ADAM30: variants seen among roughly 807,000 people sequenced by gnomAD.
ADAM30 encodes the protein ADAM metallopeptidase domain 30.
For synonymous variants in ADAM30, 382 were observed against 340.9 expected, an observed-to-expected ratio of 1.12 and a Z score of -1.33; for missense variants, 960 against 959.4, an observed-to-expected ratio of 1.00 and a Z score of -0.01.
rs1442095792 is a variant in ADAM30, at chr1:119,896,425, C to G, written c.-89G>C. ...GATTTCTGGGGGCCGCCGCTAGAGG[C>G]GCCTGAGCTCAAAACCCGGCTCCCC... On this transcript the variant is annotated 5_prime_UTR_variant, in exon 1 of 1. Transcript: ENST00000369400. The G allele has an allele frequency of 4.2e-6, 6 of 1,434,680 alleles. No individual in the cohort carries two copies. The highest frequency in any genetic ancestry group is 3.2e-5 in the South Asian group (2 of 63,132). 88.9% of individuals were successfully genotyped at this position (1,434,680 alleles called of 1,614,324 possible). A position where few individuals can be genotyped will look rare whatever the true frequency, so the allele number is the denominator to read the frequency against.
In ADAM30 at chr1:119,896,280, C is replaced by T. The variant is rs150611194; in HGVS notation, c.57G>A (p.Pro19=). 6 of 1,610,838 alleles carry T rather than the reference C, an allele frequency of 3.7e-6. No homozygotes were observed. In the African/African-American group the frequency reaches 5.3e-5, roughly 14 times the overall value. The change falls in exon 1 of 1, where the codon CCG becomes CCA. Residue 19 remains proline, a synonymous_variant. Transcript: ENST00000369400. ...CGCCAAGAGACTTAAGGAGCATTGTCGGAACTAGTAGAAGGAGCAAACGGC... is the reference window on the plus strand; with the variant it reads ...CGCCAAGAGACTTAAGGAGCATTGTTGGAACTAGTAGAAGGAGCAAACGGC... ...SQCRLLLLLV[P]TMLLKSLGED...
In ADAM30 at chr1:119,896,426, G is replaced by A; in HGVS notation, c.-90C>T. ...ATTTCTGGGGGCCGCCGCTAGAGGC[G>A]CCTGAGCTCAAAACCCGGCTCCCCT... On this transcript the variant is annotated 5_prime_UTR_variant, in exon 1 of 1. Coordinates refer to ENST00000369400, the MANE Select transcript of ADAM30 (RefSeq NM_021794.4). 7.0e-7 allele frequency: 1 copy of A among 1,435,524 alleles called. No homozygotes were observed. Among genetic ancestry groups the A allele is most frequent in the Non-Finnish European group, 9.1e-7 (1 of 1,093,618 alleles). 88.9% of individuals were successfully genotyped at this position (1,435,524 alleles called of 1,614,324 possible).
Position 119,894,871 on chromosome 1 carries a change from C to A in ADAM30, c.1466G>T (p.Cys489Phe). 1 of 1,614,156 alleles carries A rather than the reference C, an allele frequency of 6.2e-7. No individual in the cohort carries two copies. The highest frequency in any genetic ancestry group is 8.5e-7 in the Non-Finnish European group (1 of 1,180,014). ...NDVYKQDGTP[C>F]KYEGRCFRKG... is the part of the protein sequence containing the mutation. ...CCTGAAACAACGGCCTTCATACTTG[C>A]AAGGGGTTCCATCCTGCTTATAAAC... Residue 489 changes from cysteine to phenylalanine, a missense_variant, in exon 1 of 1, where the codon TGC (cysteine) becomes TTC (phenylalanine). Cys to Phe is a radical substitution (Grantham distance 205). Coordinates refer to ENST00000369400, the MANE Select transcript of ADAM30 (RefSeq NM_021794.4).
At position 119,894,812 on chromosome 1, in the gene ADAM30, T is replaced by C; in HGVS notation, c.1525A>G (p.Ser509Gly). 6.2e-7 allele frequency: 1 copy of C among 1,614,212 alleles called. No individual in the cohort carries two copies. The highest frequency in any genetic ancestry group is 8.5e-7 in the Non-Finnish European group (1 of 1,180,034). ...GCRSRYMQCQSIFGPDAMEAP... is the reference protein window; with the variant it reads ...GCRSRYMQCQGIFGPDAMEAP... ...TCCATGGCATCAGGTCCAAAAATGCTTTGGCACTGCATATATCTGGATCTG... is the reference window on the plus strand; with the variant it reads ...TCCATGGCATCAGGTCCAAAAATGCCTTGGCACTGCATATATCTGGATCTG... Residue 509 changes from serine (S) to glycine (G), a missense_variant, in exon 1 of 1, where the codon AGC becomes GGC. By Grantham distance (56) the Ser-to-Gly change is moderately conservative. Coordinates refer to ENST00000369400, the MANE Select transcript of ADAM30 (RefSeq NM_021794.4).
chr1:119,896,112 G>A lies in ADAM30; in HGVS notation c.225C>T (p.Leu75=), dbSNP rs1571136757. ...ACAGAAGTCTCTTGGGCCACAAATG[G>A]AGGACGTGCTTCTTGCCTTTTAACT... ...LLQLKGKKHV[L]HLWPKRLLLP... is the part of the protein sequence containing the mutation. The change falls in exon 1 of 1, where the codon CTC becomes CTT. Residue 75 remains leucine (L), a synonymous_variant. Coordinates refer to ENST00000369400, the MANE Select transcript of ADAM30 (RefSeq NM_021794.4). 1.2e-6 allele frequency: 2 copies of A among 1,614,016 alleles called. No individual in the cohort carries two copies. Among genetic ancestry groups the A allele is most frequent in the Non-Finnish European group, 1.7e-6 (2 of 1,180,032 alleles).
chr1:119,894,548 GT>G lies in ADAM30; in HGVS notation c.1788del (p.Lys596AsnfsTer8), dbSNP rs1648520930. The G allele has an allele frequency of 6.2e-7, 1 of 1,613,844 alleles. No individual in the cohort carries two copies. Among genetic ancestry groups the G allele is most frequent in the Non-Finnish European group, 8.5e-7 (1 of 1,180,046 alleles). On this transcript the variant is annotated frameshift_variant, in exon 1 of 1. Transcript: ENST00000369400. LOFTEE classifies it low-confidence loss of function (END_TRUNC). The stretch of plus-strand genomic sequence containing the variant: ...ATACCTAGGTCAGGTATTCCCATGG[GT>G]TTCATGGATAGATGATAGCCTGTGC... Reference protein sequence around the residue: ...CWGTGYHLSMKPMGIPDLGMI... With the variant: ...CWGTGYHLSMXPMGIPDLGMI...
rs1648584409 is a variant in ADAM30, at chr1:119,896,167, C to A, written c.170G>T (p.Gly57Val). The A allele has an allele frequency of 6.2e-7, 1 of 1,614,114 alleles. No homozygotes were observed. The highest frequency in any genetic ancestry group is 8.5e-7 in the Non-Finnish European group (1 of 1,179,986). Residue 57 changes from glycine to valine, a missense_variant, in exon 1 of 1, where the codon GGT becomes GTT. Transcript: ENST00000369400. ...EKLSFRGEVQ[G>V]VVSPVSYLLQ... ...TAGGTAGGACACGGGACTGACCACA[C>A]CCTGCACCTCTCCCCGGAAGCTCAG...
At position 119,895,095 on chromosome 1, in the gene ADAM30, GTCAC is replaced by G. The variant is rs749522525; in HGVS notation, c.1238_1241del (p.Cys413SerfsTer115). On this transcript the variant is annotated frameshift_variant, in exon 1 of 1. Coordinates refer to ENST00000369400, the MANE Select transcript of ADAM30 (RefSeq NM_021794.4). LOFTEE classifies it low-confidence loss of function (END_TRUNC). ...TCTGACACTCCTCTGTGGAACCACA[GTCAC>G]ATTCCTCATTGTCCTCCACAATTTT... is the stretch of plus-strand genomic sequence containing the variant. 3 of 1,613,940 alleles carry G rather than the reference GTCAC, an allele frequency of 1.9e-6. No homozygotes were observed. The highest frequency in any genetic ancestry group is 1.7e-6 in the Non-Finnish European group (2 of 1,180,000).
chr1:119,895,938 G>T lies in ADAM30; in HGVS notation c.399C>A (p.Leu133=). 6.2e-7 allele frequency: 1 copy of T among 1,614,118 alleles called. No individual in the cohort carries two copies. The highest frequency in any genetic ancestry group is 1.6e-4 in the Middle Eastern group (1 of 6,062). ...KATISTCMGG[L]RGVFNIDAKH... is the part of the protein sequence containing the mutation. Reference sequence around the variant, plus strand: ...TGGCATCAATGTTAAATACACCTCGGAGACCCCCCATGCATGTGCTTATAG... The same window carrying T: ...TGGCATCAATGTTAAATACACCTCGTAGACCCCCCATGCATGTGCTTATAG... Residue 133 remains leucine, a synonymous_variant, in exon 1 of 1, where the codon CTC becomes CTA. Transcript: ENST00000369400.
In ADAM30 at chr1:119,895,493, T is replaced by A; in HGVS notation, c.844A>T (p.Ser282Cys). The A allele has an allele frequency of 6.2e-7, 1 of 1,613,716 alleles. No homozygotes were observed. Among genetic ancestry groups the A allele is most frequent in the Non-Finnish European group, 8.5e-7 (1 of 1,179,896 alleles). ...GATGACAGGCGAGCATTTAATACAC[T>A]TTTTTTATATATTACAAATCTGCCT... is the stretch of plus-strand genomic sequence containing the variant. ...VLGRFVIYKK[S>C]VLNARLSSDW... is the part of the protein sequence containing the mutation. The change falls in exon 1 of 1, where the codon AGT (serine) becomes TGT (cysteine). Residue 282 changes from serine (S) to cysteine (C), a missense_variant. Physicochemically the swap from Ser to Cys is moderately radical, Grantham distance 112. Coordinates refer to ENST00000369400, the MANE Select transcript of ADAM30 (RefSeq NM_021794.4).
In ADAM30 at chr1:119,893,795, G is replaced by T; in HGVS notation, c.*169C>A. 7.4e-7 allele frequency: 1 copy of T among 1,343,260 alleles called. No individual in the cohort carries two copies. The highest frequency in any genetic ancestry group is 9.9e-7 in the Non-Finnish European group (1 of 1,009,608). 83.2% of individuals were successfully genotyped at this position (1,343,260 alleles called of 1,614,324 possible). A position where few individuals can be genotyped will look rare whatever the true frequency, so the allele number is the denominator to read the frequency against. On this transcript the variant is annotated 3_prime_UTR_variant, in exon 1 of 1. Transcript: ENST00000369400. The stretch of plus-strand genomic sequence containing the variant: ...GGGGCAAGTGAACACTCGAGAAGTA[G>T]AATGCACTGGTTTGTTTCCAAAACA...
Position 119,895,146 on chromosome 1 carries a change from A to C in ADAM30, c.1191T>G (p.Tyr397Ter). The change falls in exon 1 of 1, where the codon TAT (tyrosine) becomes TAG (stop). Residue 397 changes from tyrosine (Y) to a stop codon, truncating the protein, a stop_gained. Transcript: ENST00000369400. LOFTEE classifies it low-confidence loss of function (END_TRUNC). ...TCLNNIPGLG[Y>*]VLKRCGNKIV... ...TTTTGTTTCCACATCTCTTAAGCACATAACCTAGTCCTGGGATATTATTTA... is the reference window on the plus strand; with the variant it reads ...TTTTGTTTCCACATCTCTTAAGCACCTAACCTAGTCCTGGGATATTATTTA... The C allele has an allele frequency of 6.2e-7, 1 of 1,614,212 alleles. No homozygotes were observed. The highest frequency in any genetic ancestry group is 8.5e-7 in the Non-Finnish European group (1 of 1,180,058).
Position 119,894,847 on chromosome 1 carries a change from C to A in ADAM30, c.1490G>T (p.Arg497Met). The change falls in exon 1 of 1, where the codon AGG becomes ATG. Residue 497 changes from arginine (R) to methionine (M), a missense_variant. Coordinates refer to ENST00000369400, the MANE Select transcript of ADAM30 (RefSeq NM_021794.4). ...CATATATCTGGATCTGCACCCCTTC[C>A]TGAAACAACGGCCTTCATACTTGCA... ...TPCKYEGRCF[R>M]KGCRSRYMQC... 6.2e-7 allele frequency: 1 copy of A among 1,614,204 alleles called. No homozygotes were observed. Among genetic ancestry groups the A allele is most frequent in the East Asian group, 2.2e-5 (1 of 44,884 alleles).
In ADAM30 at chr1:119,893,988, C is replaced by G. The variant is rs1234874192; in HGVS notation, c.2349G>C (p.Lys783Asn). 33 of 1,610,624 alleles carry G rather than the reference C, an allele frequency of 2.0e-5. No individual in the cohort carries two copies. The highest frequency in any genetic ancestry group is 2.7e-5 in the Non-Finnish European group (32 of 1,179,284). Residue 783 changes from lysine to asparagine, a missense_variant, in exon 1 of 1, where the codon AAG (lysine) becomes AAC (asparagine). Coordinates refer to ENST00000369400, the MANE Select transcript of ADAM30 (RefSeq NM_021794.4). ...GTTACTTTTTTTGTTTCTTGACACT[C>G]TTTGCTTTGGGTCGTTTACTTTCAA... Reference protein sequence around the residue: ...ANIESKRPKAKSVKKQKK With the variant: ...ANIESKRPKANSVKKQKK
Position 119,895,085 on chromosome 1 carries a change from TGGAACCA to T in ADAM30, c.1245_1251del (p.Cys415Ter), listed in dbSNP as rs772921860. ...CACCGATCTTTCTGACACTCCTCTG[TGGAACCA>T]CAGTCACATTCCTCATTGTCCTCCA... On this transcript the variant is annotated frameshift_variant, in exon 1 of 1. Transcript: ENST00000369400. LOFTEE classifies it low-confidence loss of function (END_TRUNC). 1.9e-6 allele frequency: 3 copies of T among 1,614,222 alleles called. No individual in the cohort carries two copies. Among genetic ancestry groups the T allele is most frequent in the Non-Finnish European group, 1.7e-6 (2 of 1,180,052 alleles).
chr1:119,896,276 T>C lies in ADAM30; in HGVS notation c.61A>G (p.Met21Val), dbSNP rs774864022. The change falls in exon 1 of 1, where the codon ATG (methionine) becomes GTG (valine). Residue 21 changes from methionine (M) to valine (V), a missense_variant. Coordinates refer to ENST00000369400, the MANE Select transcript of ADAM30 (RefSeq NM_021794.4). ...CRLLLLLVPTMLLKSLGEDVI... is the reference protein window; with the variant it reads ...CRLLLLLVPTVLLKSLGEDVI... ...TCTTCGCCAAGAGACTTAAGGAGCA[T>C]TGTCGGAACTAGTAGAAGGAGCAAA... The C allele has an allele frequency of 6.2e-7, 1 of 1,611,732 alleles. No homozygotes were observed. The highest frequency in any genetic ancestry group is 8.5e-7 in the Non-Finnish European group (1 of 1,178,840).
rs1174238933 is a variant in ADAM30, at chr1:119,895,512, T to C, written c.825A>G (p.Arg275=). Reference sequence around the variant, plus strand: ...ATACACTTTTTTTATATATTACAAATCTGCCTAAAACTTCAGCTAACTCTG... The same window carrying C: ...ATACACTTTTTTTATATATTACAAACCTGCCTAAAACTTCAGCTAACTCTG... ...GYPELAEVLG[R]FVIYKKSVLN... is the part of the protein sequence containing the mutation. Residue 275 remains arginine (R), a synonymous_variant, in exon 1 of 1, where the codon AGA becomes AGG. Coordinates refer to ENST00000369400, the MANE Select transcript of ADAM30 (RefSeq NM_021794.4). 6 of 1,613,744 alleles carry C rather than the reference T, an allele frequency of 3.7e-6. No individual in the cohort carries two copies. Among genetic ancestry groups the C allele is most frequent in the Non-Finnish European group, 5.1e-6 (6 of 1,180,032 alleles).
chr1:119,896,227 TC>T lies in ADAM30; in HGVS notation c.109del (p.Glu37SerfsTer13). On this transcript the variant is annotated frameshift_variant, in exon 1 of 1. Transcript: ENST00000369400. LOFTEE classifies it low-confidence loss of function (END_TRUNC). ...AATGGTGACTTCATACGAGTCAAAC[TC>T]CCCTTCAGGGTGAAAAATTACATCT... is the stretch of plus-strand genomic sequence containing the variant. ...GEDVIFHPEG[E>X]FDSYEVTIPE... 6.2e-7 allele frequency: 1 copy of T among 1,614,058 alleles called. No homozygotes were observed. The highest frequency in any genetic ancestry group is 1.7e-5 in the Admixed American group (1 of 60,002).
rs942536583 is a variant in ADAM30, at chr1:119,893,672, T to C, written c.*292A>G. 11 of 449,284 alleles carry C rather than the reference T, an allele frequency of 2.4e-5. No homozygotes were observed. The highest frequency in any genetic ancestry group is 4.0e-5 in the African/African-American group (2 of 50,290). The allele number at this position is 449,284 out of a possible 1,614,324, so 27.8% of individuals were successfully genotyped here. A position where few individuals can be genotyped will look rare whatever the true frequency, so the allele number is the denominator to read the frequency against. Reference sequence around the variant, plus strand: ...AAACAAGACTATACCTTGAATAGCATGGTAATTCTAGGAAACTCACTACTT... The same window carrying C: ...AAACAAGACTATACCTTGAATAGCACGGTAATTCTAGGAAACTCACTACTT... On this transcript the variant is annotated 3_prime_UTR_variant, in exon 1 of 1. Transcript: ENST00000369400.
Sources: allele counts gnomAD v4.1 joint callset, GRCh38; gene constraint gnomAD v4.1.1; transcripts MANE v1.5; gene names NCBI Gene and HGNC (gene_info 2026-07-23, HGNC 2026-07-21).